FGF14: variants seen among roughly 807,000 people sequenced by gnomAD.
FGF14 encodes fibroblast growth factor homologous factor 4.
A neutral mutation model predicts 25.5 loss-of-function variants in FGF14; 5 were observed. The ratio of observed to expected loss-of-function variants is 0.20; its 90% CI spans 0.10 to 0.41. The LOEUF is 0.41. Among genes scored for constraint, FGF14 ranks in the 10% least tolerant of loss-of-function variants. The pLI is 1.00. For synonymous variants in FGF14, 138 were observed against 118.3 expected, an observed-to-expected ratio of 1.17 and a Z score of -1.08; for missense variants, 222 against 320.1, an observed-to-expected ratio of 0.69 and a Z score of 2.34.
intron 1 of FGF14, among the ~76,000 whole-genome samples, chr13:102,375,324 T>C (rs1379611766): frequency 2.0e-5 from 3 of 152,192 alleles, no homozygotes; most frequent in African/African-American, 7.2e-5. Context: ...TGTGCTCCTG[T>C]ATCCTGATTT....
chr13:101,946,853 C>A (rs1381869642), intron 1 of FGF14, among the ~76,000 whole-genome samples: 1 of 152,136 alleles, frequency 6.6e-6, no homozygotes, highest in African/African-American at 2.4e-5. Context: ...GAGGTAGGAT[C>A]ATTTCATGAG....
At chr13:102,254,646 G>T (rs1456864106) in intron 1 of FGF14, among the ~76,000 whole-genome samples, 1 of 152,028 alleles carries the variant, frequency 6.6e-6, no homozygotes, top group Non-Finnish European at 1.5e-5. Context: ...TTGACATTTG[G>T]GGGGCTAAAG....
chr13:102,157,288 T>C (rs2047389750), intron 1 of FGF14, among the ~76,000 whole-genome samples: 1 of 152,192 alleles, frequency 6.6e-6, no homozygotes, highest in African/African-American at 2.4e-5. Flanking sequence ...CAAAGCAGCA[T>C]GGTACTGGTA....
At chr13:101,797,735 A>ATGTGTGTGTGTGTGTGTG (rs1555384521) in intron 3 of FGF14, among the ~76,000 whole-genome samples, 14 of 34,080 alleles carry the variant, frequency 4.1e-4, no homozygotes, top group Admixed American at 9.2e-4. Context: ...TCATGAATTG[A>ATGTGTGTGTGTGTGTGTG]TGTGTGTGTG....
At chr13:101,967,002 A>G (rs1433176312) in intron 1 of FGF14, among the ~76,000 whole-genome samples, 1 of 151,730 alleles carries the variant, frequency 6.6e-6, no homozygotes, top group African/African-American at 2.4e-5. Flanking sequence ...AGTTACCTAA[A>G]CCAAGTTTTT....
intron 1 of FGF14, among the ~76,000 whole-genome samples, chr13:102,070,974 C>CAT (rs990386797): frequency 1.3e-5 from 2 of 151,266 alleles, no homozygotes; most frequent in African/African-American, 4.9e-5. Flanking sequence ...CACACACACA[C>CAT]ACACACATAA....
At chr13:101,724,595 A>ATATAT (rs2035245384) in intron 4 of FGF14, among the ~76,000 whole-genome samples, 2 of 35,166 alleles carry the variant, frequency 5.7e-5, no homozygotes, top group African/African-American at 1.6e-4. Flanking sequence ...GTATAATAAT[A>ATATAT]AAATATATAT....
At chr13:102,306,840 C>T (rs1372233635) in intron 1 of FGF14, among the ~76,000 whole-genome samples, 1 of 152,106 alleles carries the variant, frequency 6.6e-6, no homozygotes, top group African/African-American at 2.4e-5. Context: ...CACATTCTAA[C>T]TTGTATGCAC....
intron 1 of FGF14, among the ~76,000 whole-genome samples, chr13:102,064,015 C>T (rs1354562395): frequency 6.6e-6 from 1 of 152,054 alleles, no homozygotes; most frequent in African/African-American, 2.4e-5. Flanking sequence ...TTAAAGTACA[C>T]ATTTAAAAAT....
chr13:101,726,194 G>T (rs1255404499), intron 4 of FGF14, among the ~76,000 whole-genome samples: 3 of 151,770 alleles, frequency 2.0e-5, no homozygotes, highest in Admixed American at 1.3e-4. Flanking sequence ...ATATCAAAAT[G>T]GAAAATACTT....
intron 1 of FGF14, among the ~76,000 whole-genome samples, chr13:102,313,955 C>A (rs1054123295): frequency 2.0e-5 from 3 of 152,150 alleles, no homozygotes; most frequent in African/African-American, 7.2e-5. Context: ...GCAGAAAATG[C>A]AGCCATTACG....
intron 3 of FGF14, among the ~76,000 whole-genome samples, chr13:101,759,732 G>A (rs776706698): frequency 6.6e-6 from 1 of 152,122 alleles, no homozygotes; most frequent in African/African-American, 2.4e-5. Context: ...TGTTCTCTAT[G>A]GCACTTCTCA....
At chr13:102,301,280 T>A (rs923469500) in intron 1 of FGF14, among the ~76,000 whole-genome samples, 13 of 152,208 alleles carry the variant, frequency 8.5e-5, no homozygotes, top group African/African-American at 3.1e-4. Flanking sequence ...ATGGAATAGT[T>A]CCTTATACAT....
Position 102,027,862 on chromosome 13 carries a change from C to T in FGF14, c.209-152566G>A, listed in dbSNP as rs149284134. Among the ~76,000 whole-genome samples the T allele has an allele frequency of 1.6e-4, 25 of 152,104 alleles. No homozygotes were observed. In the East Asian group the frequency reaches 1.9e-3, roughly 12 times the overall value. Reference sequence around the variant, plus strand: ...TGCAGGTGTTTCCATAGCAACGTCTCTCGATGACTATTATTGTTGTGACAC... The same window carrying T: ...TGCAGGTGTTTCCATAGCAACGTCTTTCGATGACTATTATTGTTGTGACAC... On this transcript the variant is annotated intron_variant, in intron 1 of 4. Transcript: ENST00000376131.
At position 102,259,368 on chromosome 13, in the gene FGF14, T is replaced by TTTTTG. The variant is rs527898747; in HGVS notation, c.208+142098_208+142102dup. On this transcript the variant is annotated intron_variant, in intron 1 of 4. Coordinates refer to the FGF14 transcript ENST00000376131. ...TCCTAAATAATTTTATTTGACTGGT[T>TTTTTG]TTTTGTTTTGTTTTGTTTTGTTTTT... 3.9e-5 allele frequency among the ~76,000 whole-genome samples: 6 copies of TTTTTG among 152,276 alleles called. No homozygotes were observed. The South Asian group carries it at 8.3e-4, about 21-fold the overall frequency.
intron 1 of FGF14, among the ~76,000 whole-genome samples, chr13:102,334,439 C>G (rs2056730278): frequency 6.6e-6 from 1 of 152,140 alleles, no homozygotes; most frequent in Non-Finnish European, 1.5e-5. Flanking sequence ...CCCTAAATTA[C>G]TGCAGCCAGA....
intron 1 of FGF14, among the ~76,000 whole-genome samples, chr13:102,014,892 G>C (rs1488766678): frequency 6.6e-6 from 1 of 152,114 alleles, no homozygotes; most frequent in East Asian, 1.9e-4. Context: ...CAGTCAAAAA[G>C]ATTTTTCTAT....
chr13:102,187,607 T>C (rs1166820163), intron 1 of FGF14, among the ~76,000 whole-genome samples: 1 of 152,170 alleles, frequency 6.6e-6, no homozygotes, highest in African/African-American at 2.4e-5. Flanking sequence ...GCTTCTCCTC[T>C]CTTTTCCACC....
At chr13:102,346,613 T>C (rs2057113947) in intron 1 of FGF14, among the ~76,000 whole-genome samples, 1 of 151,884 alleles carries the variant, frequency 6.6e-6, no homozygotes, top group South Asian at 2.1e-4. Context: ...TATATACACA[T>C]ACATATACAT....
Sources: allele counts gnomAD v4.1 joint callset (sites outside exome capture counted in the v4.1 genomes callset), GRCh38; gene constraint gnomAD v4.1.1; transcripts MANE v1.5; gene names NCBI Gene and HGNC (gene_info 2026-07-23, HGNC 2026-07-21).